Variants in SLCO1A2 observed in about 807,000 individuals in gnomAD.
SLCO1A2 encodes the protein solute carrier organic anion transporter family member 1A2.
Under a neutral mutation model 69.0 loss-of-function variants are expected in SLCO1A2, and 67 were observed. The observed-to-expected ratio is 0.97, with a 90% CI of 0.80 to 1.19. The LOEUF is 1.19. SLCO1A2 is among the 50% of genes most tolerant of loss of function. The probability of loss-of-function intolerance (pLI) is 0.00; values close to 1 mark genes in which losing one functional copy is unlikely to be tolerated. For synonymous variants in SLCO1A2, 260 were observed against 265.9 expected (o/e 0.98, Z 0.22); for missense variants, 787 against 793.7 (o/e 0.99, Z 0.10).
intron 1 of SLCO1A2, among the ~76,000 whole-genome samples, chr12:21,385,520 G>A (rs1247212119): frequency 6.6e-6 from 1 of 152,164 alleles, no homozygotes; most frequent in Non-Finnish European, 1.5e-5. Flanking sequence ...AACAGGATAG[G>A]CACCTTAAGC....
chr12:21,293,820 A>T, intron 11 of SLCO1A2, 125 bp downstream of exon 11: 1 of 700,568 alleles, frequency 1.4e-6, no homozygotes, highest in Non-Finnish European at 2.2e-6. Flanking sequence ...TTATTTTTCC[A>T]CATACAAAAA....
intron 2 of SLCO1A2, among the ~76,000 whole-genome samples, chr12:21,360,787 T>G (rs1037561505): frequency 1.3e-5 from 2 of 152,194 alleles, no homozygotes; most frequent in African/African-American, 4.8e-5. Context: ...GCTCGCTCAC[T>G]GCTAGCACAG....
At chr12:21,332,849 A>G (rs775251512) in intron 2 of SLCO1A2, among the ~76,000 whole-genome samples, 4 of 152,110 alleles carry the variant, frequency 2.6e-5, no homozygotes, top group African/African-American at 7.2e-5. Context: ...TAGGATTTCA[A>G]CATGGGAATT....
intron 3 of SLCO1A2, among the ~76,000 whole-genome samples, chr12:21,318,371 C>T (rs750436625): frequency 3.3e-5 from 5 of 152,020 alleles, no homozygotes; most frequent in Non-Finnish European, 5.9e-5. Flanking sequence ...CACCCATCTC[C>T]GCCTCCCAAA....
chr12:21,396,322 A>G (rs1393105202), upstream of SLCO1A2, among the ~76,000 whole-genome samples: 36 of 150,494 alleles, frequency 2.4e-4, no homozygotes, highest in Non-Finnish European at 4.6e-4. Flanking sequence ...AGTTTAGAGA[A>G]AAAAGAATAA....
At chr12:21,415,225 C>T (rs568220253) in intron 1 of SLCO1A2, among the ~76,000 whole-genome samples, 3 of 152,082 alleles carry the variant, frequency 2.0e-5, no homozygotes, top group African/African-American at 7.2e-5. Context: ...AAATTTACAT[C>T]TCTATTTCCC....
chr12:21,398,244 A>T (rs1941550005), upstream of SLCO1A2, among the ~76,000 whole-genome samples: 1 of 151,190 alleles, frequency 6.6e-6, no homozygotes, highest in Non-Finnish European at 1.5e-5. Context: ...TACTACAAAC[A>T]CCTCTACGCA....
intron 1 of SLCO1A2, among the ~76,000 whole-genome samples, chr12:21,384,471 CCTTATGGTATT>C (rs1347537165): frequency 6.6e-6 from 1 of 152,092 alleles, no homozygotes; most frequent in Non-Finnish European, 1.5e-5. Context: ...TGGGAACATT[CCTTATGGTATT>C]TAGAACAAAG....
chr12:21,300,353 G>A lies in SLCO1A2; in HGVS notation c.905C>T (p.Thr302Ile), dbSNP rs748373187. Residue 302 changes from threonine (T) to isoleucine (I), a missense_variant, in exon 8 of 15, where the codon ACT (threonine) becomes ATT (isoleucine). By Grantham distance (89) the Thr-to-Ile change is moderately conservative. Coordinates refer to ENST00000683939, the MANE Select transcript of SLCO1A2 (RefSeq NM_001386879.1). ...TTTAGAATATGTATATTTGCCTTTAGTGATTCCATATTTTTCCTTCTTGAC... is the reference window on the plus strand; with the variant it reads ...TTTAGAATATGTATATTTGCCTTTAATGATTCCATATTTTTCCTTCTTGAC... ...EEVKKEKYGI[T>I]KDFLPFMKSL... 6 of 1,601,136 alleles carry A rather than the reference G, an allele frequency of 3.7e-6. No individual in the cohort carries two copies. The highest frequency in any genetic ancestry group is 1.1e-5 in the South Asian group (1 of 90,568).
chr12:21,408,548 G>GA (rs1941858863), intron 1 of SLCO1A2, among the ~76,000 whole-genome samples: 1 of 152,112 alleles, frequency 6.6e-6, no homozygotes, highest in African/African-American at 2.4e-5. Context: ...GAGTCTACCA[G>GA]AAATCCGCAA....
At chr12:21,337,248 T>C (rs116883595), upstream of SLCO1A2, among the ~76,000 whole-genome samples, 1,231 of 152,152 alleles carry the variant, frequency 8.1e-3, 8 homozygotes, top group Non-Finnish European at 0.011. Flanking sequence ...ACCTGTTGGC[T>C]TCCAGCCCCT....
intron 12 of SLCO1A2, among the ~76,000 whole-genome samples, chr12:21,288,815 A>T (rs943252545): frequency 2.6e-5 from 4 of 151,930 alleles, no homozygotes; most frequent in Non-Finnish European, 4.4e-5. Context: ...ATAAAAATTT[A>T]AAATTAAAAA....
chr12:21,340,632 A>T (rs185580982), intron 2 of SLCO1A2, among the ~76,000 whole-genome samples: 138 of 152,026 alleles, frequency 9.1e-4, no homozygotes, highest in African/African-American at 3.2e-3. Flanking sequence ...TTCTATTTGG[A>T]GTTTCACTAT....
At chr12:21,304,377 C>T (rs773706787) in intron 6 of SLCO1A2, 50 bp downstream of exon 6, 5 of 1,435,068 alleles carry the variant, frequency 3.5e-6, no homozygotes, top group Non-Finnish European at 4.9e-6. Flanking sequence ...TTTCTAACCT[C>T]AAGGAACATA....
At chr12:21,379,641 T>G (rs1940461246) in intron 1 of SLCO1A2, 2 of 152,226 alleles carry the variant, frequency 1.3e-5, no homozygotes, top group South Asian at 4.1e-4. Flanking sequence ...TATCTGCTTT[T>G]CCCTGACTTT....
chr12:21,322,380 C>G (rs1951741666), intron 2 of SLCO1A2, among the ~76,000 whole-genome samples: 1 of 152,128 alleles, frequency 6.6e-6, no homozygotes, highest in African/African-American at 2.4e-5. Flanking sequence ...GGTCAGGGCA[C>G]AGCTTGCTTT....
chr12:21,270,097 A>C (rs1413007252), intron 14 of SLCO1A2, among the ~76,000 whole-genome samples: 1 of 151,856 alleles, frequency 6.6e-6, no homozygotes, highest in Admixed American at 6.6e-5. Flanking sequence ...TTATTCTAGT[A>C]TTTAGTAAGA....
chr12:21,351,422 A>AT (rs762686881), intron 2 of SLCO1A2, among the ~76,000 whole-genome samples: 7 of 152,182 alleles, frequency 4.6e-5, no homozygotes, highest in Non-Finnish European at 7.4e-5. Flanking sequence ...CTCCAGGAGC[A>AT]TCATACATTT....
In SLCO1A2 at chr12:21,310,526, A is replaced by G. The variant is rs537168887; in HGVS notation, c.336-3538T>C. ...GGCTGTGGAAATTTCTTAAAATAAG[A>G]CAGTGATGAAGTTTCCTGTGGCAAT... On this transcript the variant is annotated intron_variant, in intron 4 of 14. Transcript: ENST00000683939. 2.7e-3 allele frequency among the ~76,000 whole-genome samples: 408 copies of G among 152,366 alleles called. 5 individuals carry two copies. The highest frequency in any genetic ancestry group is 9.4e-3 in the African/African-American group (392 of 41,596).
Sources: allele counts gnomAD v4.1 joint callset (sites outside exome capture counted in the v4.1 genomes callset), GRCh38; gene constraint gnomAD v4.1.1; transcripts MANE v1.5; gene names NCBI Gene and HGNC (gene_info 2026-07-23, HGNC 2026-07-21).